Variants in TTC6 observed in about 807,000 individuals in gnomAD.
TTC6 encodes the protein tetratricopeptide repeat domain 6, also known as tetratricopeptide repeat protein 6.
Under a neutral mutation model 210.4 loss-of-function variants are expected in TTC6, and 172 were observed. The ratio of observed to expected loss-of-function variants is 0.82; its 90% CI spans 0.72 to 0.93. The LOEUF is 0.93. Among genes scored for constraint, TTC6 ranks in the 40% least tolerant of loss-of-function variants. The pLI is 0.00. For missense variants in TTC6, 2,414 were observed against 2,318.1 expected (o/e 1.04, Z -0.85); for synonymous variants, 804 against 819.6 (o/e 0.98, Z 0.32).
intron 1 of TTC6, among the ~76,000 whole-genome samples, chr14:37,635,981 C>CAAAAAAAAA (rs71433909): frequency 8.0e-4 from 56 of 70,346 alleles, no homozygotes; most frequent in Non-Finnish European, 9.6e-4. Flanking sequence ...ATTCCATTTC[C>CAAAAAAAAA]AAAAAAAAAA....
At chr14:37,782,802 A>G (rs2096058428) in intron 14 of TTC6, among the ~76,000 whole-genome samples, 1 of 152,160 alleles carries the variant, frequency 6.6e-6, no homozygotes, top group Admixed American at 6.5e-5. Flanking sequence ...GATACGTCCC[A>G]TCAATATCTA....
intron 14 of TTC6, 119 bp downstream of exon 16, chr14:37,753,354 A>G (rs1016921898): frequency 7.2e-6 from 6 of 830,086 alleles, no homozygotes; most frequent in Non-Finnish European, 8.9e-6. Context: ...ATCAATTTTC[A>G]GTGCCACCAG....
chr14:37,614,822 T>C (rs1233208582), intron 2 of TTC6, among the ~76,000 whole-genome samples: 1 of 152,196 alleles, frequency 6.6e-6, no homozygotes, highest in Non-Finnish European at 1.5e-5. Context: ...TCTTGGCTCA[T>C]TGCAGCCTCT....
chr14:37,761,926 T>G (rs569173353), intron 14 of TTC6, among the ~76,000 whole-genome samples: 5 of 152,298 alleles, frequency 3.3e-5, no homozygotes, highest in African/African-American at 1.2e-4. Flanking sequence ...ATACTTACCA[T>G]TTTTTCCTCC....
At chr14:37,724,070 A>G (rs1350034721) in intron 6 of TTC6, among the ~76,000 whole-genome samples, 1 of 152,204 alleles carries the variant, frequency 6.6e-6, no homozygotes, top group African/African-American at 2.4e-5. Flanking sequence ...AAAGAAATAC[A>G]GAAACCACAC....
At chr14:37,686,567 A>C (rs1210665282) in intron 3 of TTC6, among the ~76,000 whole-genome samples, 1 of 152,206 alleles carries the variant, frequency 6.6e-6, no homozygotes. Flanking sequence ...AGACATATCC[A>C]AAACTGGGAA....
At chr14:37,671,539 A>G (rs1204555840) in intron 1 of TTC6, among the ~76,000 whole-genome samples, 2 of 152,168 alleles carry the variant, frequency 1.3e-5, no homozygotes, top group Non-Finnish European at 2.9e-5. Flanking sequence ...TATATTAGTT[A>G]ATATTAGTTA....
chr14:37,706,759 T>G (rs969290618), intron 5 of TTC6, among the ~76,000 whole-genome samples: 4 of 152,032 alleles, frequency 2.6e-5, no homozygotes, highest in Non-Finnish European at 5.9e-5. Flanking sequence ...CATTGTACAC[T>G]TAACCCATAA....
At chr14:37,680,246 T>C in exon 2 of TTC6, 2 of 1,528,200 alleles carry the variant, frequency 1.3e-6, no homozygotes, top group South Asian at 2.4e-5. Flanking sequence ...AGATGGGTGC[T>C]GAGGAATCGC....
chr14:37,824,222 C>A (rs760419323), intron 27 of TTC6, among the ~76,000 whole-genome samples: 1 of 152,058 alleles, frequency 6.6e-6, no homozygotes, highest in Non-Finnish European at 1.5e-5. Flanking sequence ...TGCACCCCTC[C>A]CTACCTTCCT....
chr14:37,619,426 T>G (rs113384288), upstream of TTC6, among the ~76,000 whole-genome samples: 352 of 152,294 alleles, frequency 2.3e-3, 5 homozygotes, highest in African/African-American at 8.0e-3. Context: ...TGAATTGATA[T>G]GAGTCCAACT....
chr14:37,628,160 G>A (rs1438779093), intron 1 of TTC6, among the ~76,000 whole-genome samples: 2 of 152,138 alleles, frequency 1.3e-5, no homozygotes, highest in East Asian at 3.9e-4. Context: ...ATAGAGACAG[G>A]ATTTTACCAT....
intron 1 of TTC6, among the ~76,000 whole-genome samples, chr14:37,659,659 T>C (rs2095732883): frequency 6.6e-6 from 1 of 152,146 alleles, no homozygotes; most frequent in African/African-American, 2.4e-5. Context: ...CAACTGGGAT[T>C]ACAGGCACAT....
rs117891551 is a variant in TTC6 at position 37,659,667 on chromosome 14, C to T, written c.940-20484C>T. Among the ~76,000 whole-genome samples the T allele has an allele frequency of 5.1e-3, 772 of 152,210 alleles. 7 individuals are homozygous for T. The highest frequency in any genetic ancestry group is 8.5e-3 in the Non-Finnish European group (576 of 68,002). On this transcript the variant is annotated intron_variant, in intron 1 of 30. Transcript: ENST00000553443. The stretch of plus-strand genomic sequence containing the variant: ...TCCCGAACAACTGGGATTACAGGCA[C>T]ATGCTACCATGTCCAGCTAATTTTT...
At chr14:37,813,431 G>T (rs1372578846) in intron 25 of TTC6, among the ~76,000 whole-genome samples, 1 of 152,184 alleles carries the variant, frequency 6.6e-6, no homozygotes. Flanking sequence ...GATAGTGGAG[G>T]TGGGGAACAA....
intron 7 of TTC6, among the ~76,000 whole-genome samples, chr14:37,731,835 C>T (rs34565474): frequency 0.053 from 8,007 of 149,886 alleles, 320 homozygotes; most frequent in Non-Finnish European, 0.084. Context: ...TAGATGAAAA[C>T]AAATACAGTT....
At chr14:37,610,864 A>T (rs564724294) in intron 2 of TTC6, among the ~76,000 whole-genome samples, 22 of 152,308 alleles carry the variant, frequency 1.4e-4, no homozygotes, top group South Asian at 1.0e-3. Context: ...TTCTTCGCTC[A>T]ACATTATGTT....
chr14:37,662,107 A>G (rs975757672), intron 1 of TTC6, among the ~76,000 whole-genome samples: 3 of 152,118 alleles, frequency 2.0e-5, no homozygotes, highest in African/African-American at 7.2e-5. Flanking sequence ...AACAAAGACA[A>G]TTTGACATCC....
In TTC6 at chr14:37,776,902, A is replaced by C. The variant is rs576184044; in HGVS notation, c.3267-10566A>C. On this transcript the variant is annotated intron_variant, in intron 14 of 30. Coordinates refer to ENST00000553443, the Ensembl canonical transcript of TTC6. ...CAAGAGTGAAACTCCATCTCAAAAA[A>C]AAAATTGCTGAATATGGGCCCCCAA... Among the ~76,000 whole-genome samples, 42 of 152,212 alleles carry C rather than the reference A, an allele frequency of 2.8e-4. 1 individual carries two copies. In the South Asian group the frequency reaches 7.9e-3, roughly 29 times the overall value.
Sources: allele counts gnomAD v4.1 joint callset (sites outside exome capture counted in the v4.1 genomes callset), GRCh38; gene constraint gnomAD v4.1.1; transcripts MANE v1.5; gene names NCBI Gene and HGNC (gene_info 2026-07-23, HGNC 2026-07-21).